The following TMSB15B variants were observed in gnomAD, a reference collection of about 807,000 sequenced individuals.
TMSB15B encodes the protein thymosin beta 15B, also known as thymosin beta-15B.
intron 1 of TMSB15B, chrX:103,931,255 A>G (rs1335852375): frequency 8.9e-6 from 1 of 112,123 alleles, no homozygotes; most frequent in African/African-American, 3.2e-5. Context: ...AGATGCATTT[A>G]TCTCCTAATT....
chrX:103,939,347 T>C (rs1210971447), intron 1 of TMSB15B, among the ~76,000 whole-genome samples: 10 of 110,770 alleles, frequency 9.0e-5, no homozygotes, highest in African/African-American at 2.6e-4. Flanking sequence ...GAGGCTTTTT[T>C]TTGTTCCTTT....
intron 1 of TMSB15B, among the ~76,000 whole-genome samples, chrX:103,923,429 A>G (rs1556318213): frequency 2.7e-5 from 3 of 112,138 alleles, no homozygotes; most frequent in Non-Finnish European, 3.8e-5. Context: ...ATGGCTAGCC[A>G]GTTTTCCGAG....
chrX:103,919,749 C>A (rs1321587395), intron 1 of TMSB15B, among the ~76,000 whole-genome samples: 2 of 112,570 alleles, frequency 1.8e-5, no homozygotes, highest in Non-Finnish European at 3.8e-5. Context: ...CTGTTATCTC[C>A]ATTTCACAGA....
At chrX:103,927,926 T>C (rs1353825898) in intron 1 of TMSB15B, among the ~76,000 whole-genome samples, 3 of 112,243 alleles carry the variant, frequency 2.7e-5, no homozygotes. Flanking sequence ...AGGGTGTGCT[T>C]ATATATCAGA....
At chrX:103,942,767 A>G (rs1274046091) in intron 1 of TMSB15B, among the ~76,000 whole-genome samples, 4 of 111,966 alleles carry the variant, frequency 3.6e-5, no homozygotes, top group Non-Finnish European at 7.5e-5. Context: ...ATAGTGTTCA[A>G]CATATCTTTT....
At chrX:103,955,439 A>G (rs1229622922) in intron 1 of TMSB15B, among the ~76,000 whole-genome samples, 1 of 110,326 alleles carries the variant, frequency 9.1e-6, no homozygotes, top group East Asian at 2.9e-4. Context: ...AGTATAGAGA[A>G]GAATGTAACT....
chrX:103,936,174 C>G (rs1297366051), intron 1 of TMSB15B, among the ~76,000 whole-genome samples: 2 of 111,615 alleles, frequency 1.8e-5, no homozygotes, highest in Non-Finnish European at 3.8e-5. Flanking sequence ...TAGTTGTTTT[C>G]TAATTCTGTG....
At chrX:103,929,807 G>T (rs1315154465) in intron 1 of TMSB15B, among the ~76,000 whole-genome samples, 1 of 111,503 alleles carries the variant, frequency 9.0e-6, no homozygotes, top group Admixed American at 9.5e-5. Flanking sequence ...AAACCTGGAA[G>T]TGAAGTGACC....
At chrX:103,948,200 G>A (rs1458649417) in intron 1 of TMSB15B, among the ~76,000 whole-genome samples, 1 of 111,955 alleles carries the variant, frequency 8.9e-6, no homozygotes, top group Non-Finnish European at 1.9e-5. Flanking sequence ...AAAAAAAGAT[G>A]TTCATCCTCA....
intron 1 of TMSB15B, among the ~76,000 whole-genome samples, chrX:103,943,008 AT>A (rs2075016554): frequency 9.0e-6 from 1 of 111,543 alleles, no homozygotes; most frequent in Non-Finnish European, 1.9e-5. Context: ...GATGCTACTA[AT>A]TCATTAGGTT....
intron 1 of TMSB15B, among the ~76,000 whole-genome samples, chrX:103,921,575 T>C (rs1436767453): frequency 1.8e-5 from 2 of 112,055 alleles, no homozygotes; most frequent in African/African-American, 6.5e-5. Flanking sequence ...ATTTGCAACC[T>C]GGCTCCAATT....
At chrX:103,927,350 GC>G (rs2074971178) in intron 1 of TMSB15B, among the ~76,000 whole-genome samples, 1 of 112,195 alleles carries the variant, frequency 8.9e-6, no homozygotes, top group Admixed American at 9.4e-5. Flanking sequence ...AAATTATCCT[GC>G]CCAAAATGTC....
chrX:103,930,723 TTGATAA>T (rs1281407600), intron 1 of TMSB15B, among the ~76,000 whole-genome samples: 2 of 74,576 alleles, frequency 2.7e-5, no homozygotes, highest in African/African-American at 1.1e-4. Context: ...AATGATGCTG[TTGATAA>T]TAATAATAAT....
At chrX:103,933,079 G>A (rs1290477611) in intron 1 of TMSB15B, among the ~76,000 whole-genome samples, 15 of 111,452 alleles carry the variant, frequency 1.3e-4, no homozygotes, top group Non-Finnish European at 2.5e-4. Context: ...AGACAATTTT[G>A]CTTTTACAAC....
intron 1 of TMSB15B, chrX:103,928,735 G>A (rs782277280): frequency 1.7e-6 from 2 of 1,168,562 alleles, no homozygotes; most frequent in South Asian, 3.6e-5. Context: ...TTGGGTTCCT[G>A]CCTTGGTGTC....
At chrX:103,954,584 A>G (rs1220334111) in intron 1 of TMSB15B, among the ~76,000 whole-genome samples, 4 of 111,549 alleles carry the variant, frequency 3.6e-5, no homozygotes, top group Non-Finnish European at 7.5e-5. Flanking sequence ...AGCATGTGGG[A>G]GTGCAATAGG....
At chrX:103,934,530 C>T (rs1391293141) in intron 1 of TMSB15B, among the ~76,000 whole-genome samples, 1 of 110,114 alleles carries the variant, frequency 9.1e-6, no homozygotes, top group Non-Finnish European at 1.9e-5. Context: ...GTGATGTTCC[C>T]CTCCCTGTGC....
chrX:103,923,437 G>C (rs1268094708), intron 1 of TMSB15B, among the ~76,000 whole-genome samples: 11 of 111,722 alleles, frequency 9.8e-5, no homozygotes, highest in East Asian at 2.8e-4. Flanking sequence ...CCAGTTTTCC[G>C]AGCACCATTT....
At chrX:103,922,085 CTTT>C (rs782307917) in intron 1 of TMSB15B, among the ~76,000 whole-genome samples, 3 of 102,671 alleles carry the variant, frequency 2.9e-5, no homozygotes, top group Non-Finnish European at 4.0e-5. Context: ...CTCTCTCTCT[CTTT>C]TTTTTTTTTT....
Sources: gnomAD v4.1 joint callset for allele counts (sites outside exome capture counted in the v4.1 genomes callset) on GRCh38, gnomAD v4.1.1 for gene constraint, MANE v1.5 for transcripts, NCBI Gene and HGNC (gene_info 2026-07-23, HGNC 2026-07-21) for gene names.